The following RHOQ variants were observed in gnomAD, a reference collection of about 807,000 sequenced individuals.
RHOQ encodes rho-related GTP-binding protein RhoQ.
Under a neutral mutation model 25.8 loss-of-function variants are expected in RHOQ, and 7 were observed. The observed-to-expected ratio is 0.27, with a 90% CI of 0.15 to 0.51. RHOQ has a LOEUF of 0.51. RHOQ is among the 20% of genes least tolerant of loss of function. The pLI is 0.97. For missense variants in RHOQ, 165 were observed against 260.6 expected (o/e 0.63, Z 2.53); for synonymous variants, 97 against 98.6 (o/e 0.98, Z 0.10).
At chr2:46,560,001 T>C (rs895143928) in intron 2 of RHOQ, among the ~76,000 whole-genome samples, 1 of 152,208 alleles carries the variant, frequency 6.6e-6, no homozygotes, top group African/African-American at 2.4e-5. Context: ...AAGTATCATC[T>C]GCCTTTCACC....
rs1669434355 is a variant in RHOQ at position 46,582,588 on chromosome 2, C to T, written c.*1505C>T. The T allele has an allele frequency of 6.6e-6, 1 of 152,490 alleles. No individual in the cohort carries two copies. Among genetic ancestry groups the T allele is most frequent in the Non-Finnish European group, 1.5e-5 (1 of 68,012 alleles). 9.4% of individuals were successfully genotyped at this position (152,490 alleles called of 1,614,324 possible). A position where few individuals can be genotyped will look rare whatever the true frequency, so the allele number is the denominator to read the frequency against. On this transcript the variant is annotated 3_prime_UTR_variant, in exon 5 of 5. Transcript: ENST00000238738. ...AACAATCTCATCACATTTTTTCTAGCCTTTCCTACATTTAAACTTGCTGTT... is the reference window on the plus strand; with the variant it reads ...AACAATCTCATCACATTTTTTCTAGTCTTTCCTACATTTAAACTTGCTGTT...
chr2:46,545,200 A>G (rs905538778), intron 2 of RHOQ, among the ~76,000 whole-genome samples: 2 of 152,162 alleles, frequency 1.3e-5, no homozygotes, highest in Non-Finnish European at 2.9e-5. Flanking sequence ...TATTCCTTCT[A>G]CCTTCATTGG....
chr2:46,552,084 G>A lies in RHOQ; in HGVS notation c.201+8272G>A, dbSNP rs1040449268. 5.9e-5 allele frequency among the ~76,000 whole-genome samples: 9 copies of A among 152,158 alleles called. No individual in the cohort carries two copies. The highest frequency in any genetic ancestry group is 2.1e-4 in the South Asian group (1 of 4,826). On this transcript the variant is annotated intron_variant, in intron 2 of 4. Coordinates refer to ENST00000238738, the MANE Select transcript of RHOQ (RefSeq NM_012249.4). This position sits in a 1 kb window ranked among gnomAD's most constrained non-coding sequence, Gnocchi z 5.0. ...TTTATCACATGCACTGTTGTTCAGC[G>A]TTTCATGTAAAAGGTACATTCCAAG...
At chr2:46,558,093 T>A (rs1333737030) in intron 2 of RHOQ, among the ~76,000 whole-genome samples, 1 of 152,248 alleles carries the variant, frequency 6.6e-6, no homozygotes, top group Non-Finnish European at 1.5e-5. Flanking sequence ...CACCCTCCCA[T>A]GCAGCAAGTC....
Position 46,580,916 on chromosome 2 carries a change from T to G in RHOQ, c.463-12T>G. 2.0e-6 allele frequency: 3 copies of G among 1,470,654 alleles called. No individual in the cohort carries two copies. The highest frequency in any genetic ancestry group is 2.7e-6 in the Non-Finnish European group (3 of 1,110,980). The allele number at this position is 1,470,654 out of a possible 1,614,324, so 91.1% of individuals were successfully genotyped here. A position where few individuals can be genotyped will look rare whatever the true frequency, so the allele number is the denominator to read the frequency against. ...GATCTTATATATTTGTGATTTTTTTTCTCCCTCCCAGATAGGAGCATGCTG... is the reference window on the plus strand; with the variant it reads ...GATCTTATATATTTGTGATTTTTTTGCTCCCTCCCAGATAGGAGCATGCTG... On this transcript the variant is annotated splice_polypyrimidine_tract_variant and intron_variant, in intron 4 of 4. Coordinates refer to ENST00000238738, the MANE Select transcript of RHOQ (RefSeq NM_012249.4).
intron 4 of RHOQ, among the ~76,000 whole-genome samples, chr2:46,579,703 C>A (rs991944517): frequency 3.3e-5 from 5 of 152,102 alleles, no homozygotes; most frequent in Non-Finnish European, 5.9e-5. Context: ...ACAAAATTAG[C>A]TGGGTGTGGT....
chr2:46,550,289 G>T (rs1668201146), intron 2 of RHOQ, among the ~76,000 whole-genome samples: 1 of 151,788 alleles, frequency 6.6e-6, no homozygotes, highest in South Asian at 2.1e-4. Context: ...GCTTGTTTCT[G>T]CTAAAAGGTT....
intron 2 of RHOQ, among the ~76,000 whole-genome samples, chr2:46,565,168 A>T (rs971440051): frequency 6.6e-6 from 1 of 152,142 alleles, no homozygotes. Flanking sequence ...AAAACCAGCG[A>T]CTTAGTGGGA....
chr2:46,551,631 G>A (rs969116024), intron 2 of RHOQ, among the ~76,000 whole-genome samples: 1 of 152,162 alleles, frequency 6.6e-6, no homozygotes, highest in Non-Finnish European at 1.5e-5. Context: ...GTTGCTGGTT[G>A]ATTTTAATAG....
rs1454114183 is a variant in RHOQ at position 46,542,546 on chromosome 2, G to A, written c.-501G>A. Reference sequence around the variant, plus strand: ...GCAGGGAGTGGGGCTCGGGTGCGCCGGCAGGGCCGCGCGGCGGCAGCAGGC... The same window carrying A: ...GCAGGGAGTGGGGCTCGGGTGCGCCAGCAGGGCCGCGCGGCGGCAGCAGGC... On this transcript the variant is annotated 5_prime_UTR_variant, in exon 1 of 5. Transcript: ENST00000238738. 1 of 148,494 alleles carries A rather than the reference G, an allele frequency of 6.7e-6. No individual in the cohort carries two copies. Among genetic ancestry groups the A allele is most frequent in the Admixed American group, 6.7e-5 (1 of 14,926 alleles). 9.2% of individuals were successfully genotyped at this position (148,494 alleles called of 1,614,324 possible). A position where few individuals can be genotyped will look rare whatever the true frequency, so the allele number is the denominator to read the frequency against.
intron 2 of RHOQ, among the ~76,000 whole-genome samples, chr2:46,553,075 A>G (rs993381053): frequency 3.9e-5 from 6 of 152,194 alleles, no homozygotes; most frequent in African/African-American, 7.2e-5. Context: ...TAGACATCCA[A>G]ATTCTTAGGC....
rs1572756980 is a variant in RHOQ, at chr2:46,576,348, G to A, written c.366+97G>A. 7.1e-6 allele frequency: 8 copies of A among 1,123,328 alleles called. No individual in the cohort carries two copies. Among genetic ancestry groups the A allele is most frequent in the East Asian group, 2.4e-5 (1 of 41,740 alleles). The allele number at this position is 1,123,328 out of a possible 1,614,324, so 69.6% of individuals were successfully genotyped here. A position where few individuals can be genotyped will look rare whatever the true frequency, so the allele number is the denominator to read the frequency against. Reference sequence around the variant, plus strand: ...ACAGTCCCAAAGCTGAGCAAATGATGTAAGTGTTTAATCTCAGCTGCAAGT... The same window carrying A: ...ACAGTCCCAAAGCTGAGCAAATGATATAAGTGTTTAATCTCAGCTGCAAGT... On this transcript the variant is annotated intron_variant, in intron 3 of 4. Transcript: ENST00000238738. This position sits in a 1 kb window ranked among gnomAD's most constrained non-coding sequence, Gnocchi z 5.1.
At chr2:46,561,652 A>G (rs1166741377) in intron 2 of RHOQ, among the ~76,000 whole-genome samples, 1 of 151,938 alleles carries the variant, frequency 6.6e-6, no homozygotes, top group Non-Finnish European at 1.5e-5. Context: ...TCAAGGGCAG[A>G]TGTATTCTCT....
At chr2:46,575,271 T>C (rs1267076952) in intron 2 of RHOQ, among the ~76,000 whole-genome samples, 1 of 152,192 alleles carries the variant, frequency 6.6e-6, no homozygotes, top group Non-Finnish European at 1.5e-5. Context: ...TATGTGCAGT[T>C]ACTGGTATAT....
At position 46,581,194 on chromosome 2, in the gene RHOQ, G is replaced by C; in HGVS notation, c.*111G>C. On this transcript the variant is annotated 3_prime_UTR_variant, in exon 5 of 5. Transcript: ENST00000238738. The stretch of plus-strand genomic sequence containing the variant: ...TAATGAAGCAGTTCAAAACTTGAAA[G>C]AAAACAAAACCTGTCCTCAGAATTC... 3.0e-6 allele frequency: 3 copies of C among 1,012,436 alleles called. No homozygotes were observed. The South Asian group carries it at 5.7e-5, about 19-fold the overall frequency. The allele number at this position is 1,012,436 out of a possible 1,614,324, so 62.7% of individuals were successfully genotyped here.
At position 46,582,034 on chromosome 2, in the gene RHOQ, C is replaced by T. The variant is rs1488565965; in HGVS notation, c.*951C>T. ...TTTAAGTTGTGTTAAAGAGGAAAGACCTAGAATCCAAGCGTGTTACATGAA... is the reference window on the plus strand; with the variant it reads ...TTTAAGTTGTGTTAAAGAGGAAAGATCTAGAATCCAAGCGTGTTACATGAA... On this transcript the variant is annotated 3_prime_UTR_variant, in exon 5 of 5. Transcript: ENST00000238738. The T allele has an allele frequency of 6.4e-6, 1 of 156,240 alleles. No homozygotes were observed. Among genetic ancestry groups the T allele is most frequent in the African/African-American group, 2.4e-5 (1 of 41,294 alleles). 9.7% of individuals were successfully genotyped at this position (156,240 alleles called of 1,614,324 possible). A position where few individuals can be genotyped will look rare whatever the true frequency, so the allele number is the denominator to read the frequency against.
At position 46,552,132 on chromosome 2, in the gene RHOQ, G is replaced by GAGAT. The variant is rs1668260335; in HGVS notation, c.201+8321_201+8324dup. On this transcript the variant is annotated intron_variant, in intron 2 of 4. Coordinates refer to ENST00000238738, the MANE Select transcript of RHOQ (RefSeq NM_012249.4). This position sits in a 1 kb window ranked among gnomAD's most constrained non-coding sequence, Gnocchi z 5.0. ...AAGCGTATCGCTTTTCTAGCTAGAA[G>GAGAT]AGATGGTGGAACATTGTGTATAGGT... Among the ~76,000 whole-genome samples, 1 of 152,232 alleles carries GAGAT rather than the reference G, an allele frequency of 6.6e-6. No individual in the cohort carries two copies. The highest frequency in any genetic ancestry group is 2.1e-4 in the South Asian group (1 of 4,836).
intron 4 of RHOQ, among the ~76,000 whole-genome samples, chr2:46,577,565 A>ATTT (rs908178158): frequency 6.2e-5 from 4 of 64,948 alleles, no homozygotes; most frequent in African/African-American, 1.2e-4. Flanking sequence ...ACACCCGGCT[A>ATTT]TTTTTTTTTT....
chr2:46,576,464 C>CTTTT lies in RHOQ; in HGVS notation c.367-93_367-90dup. 1.1e-6 allele frequency: 1 copy of CTTTT among 919,488 alleles called. No individual in the cohort carries two copies. The highest frequency in any genetic ancestry group is 1.8e-5 in the South Asian group (1 of 55,596). The allele number at this position is 919,488 out of a possible 1,614,324, so 57.0% of individuals were successfully genotyped here. On this transcript the variant is annotated intron_variant, in intron 3 of 4. Transcript: ENST00000238738. This position sits in a 1 kb window ranked among gnomAD's most constrained non-coding sequence, Gnocchi z 5.1. ...TAAAAATTAAGTTCTTTTGTTTAAT[C>CTTTT]TTTTTTTGGTATGTGGGAATTAAGT...
Sources: allele counts gnomAD v4.1 joint callset (sites outside exome capture counted in the v4.1 genomes callset), GRCh38; gene constraint gnomAD v4.1.1; non-coding constraint Gnocchi (gnomAD v3.1); transcripts MANE v1.5; gene names NCBI Gene and HGNC (gene_info 2026-07-23, HGNC 2026-07-21).